Variants in TTLL3 observed in about 807,000 individuals in gnomAD.
TTLL3 encodes tubulin tyrosine ligase like 3.
A neutral mutation model predicts 75.2 loss-of-function variants in TTLL3; 63 were observed. The ratio of observed to expected loss-of-function variants is 0.84; its 90% CI spans 0.68 to 1.03. The LOEUF is 1.03. Ranked by LOEUF, TTLL3 falls within the 50% of genes least tolerant of loss-of-function variation. The pLI is 0.00. For synonymous variants in TTLL3, 393 were observed against 418.5 expected, an observed-to-expected ratio of 0.94 and a Z score of 0.74; for missense variants, 997 against 1,069.9, an observed-to-expected ratio of 0.93 and a Z score of 0.95.
At chr3:9,815,008 C>G (rs565273917) in intron 4 of TTLL3, among the ~76,000 whole-genome samples, 1 of 151,722 alleles carries the variant, frequency 6.6e-6, no homozygotes, top group South Asian at 2.1e-4. Flanking sequence ...GAGGCCAAGG[C>G]GGGTGGATTA....
At chr3:9,833,384 G>C in intron 12 of TTLL3, 139 bp downstream of exon 12, 1 of 1,358,730 alleles carries the variant, frequency 7.4e-7, no homozygotes, top group Non-Finnish European at 1.0e-6. Context: ...AAGGCGAAAA[G>C]GGCCACAGCC....
chr3:9,812,254 GC>G (rs2079423040), intron 2 of TTLL3, among the ~76,000 whole-genome samples: 1 of 151,910 alleles, frequency 6.6e-6, no homozygotes, highest in African/African-American at 2.4e-5. Flanking sequence ...GGTGGCTGAC[GC>G]CTGTAATTTC....
intron 10 of TTLL3, 194 bp from the exon 11 acceptor site, chr3:9,828,766 A>G (rs111473097): frequency 4.3e-6 from 3 of 692,738 alleles, no homozygotes; most frequent in African/African-American, 3.6e-5. Context: ...CCTGAGAGAT[A>G]AGAGTGGTTC....
At position 9,816,212 on chromosome 3, in the gene TTLL3, C is replaced by CT. The variant is rs770415607; in HGVS notation, c.444+11dup. The CT allele has an allele frequency of 3.0e-6, 4 of 1,347,014 alleles. No individual in the cohort carries two copies. Among genetic ancestry groups the CT allele is most frequent in the Non-Finnish European group, 9.9e-7 (1 of 1,012,448 alleles). The allele number at this position is 1,347,014 out of a possible 1,614,324, so 83.4% of individuals were successfully genotyped here. A position where few individuals can be genotyped will look rare whatever the true frequency, so the allele number is the denominator to read the frequency against. ...CTCCTTTACCACAAAGGTGGGCTCC[C>CT]TAGAGGAGCAGGCAGGGCAGCTTCC... On this transcript the variant is annotated intron_variant, in intron 5 of 13. Transcript: ENST00000685419.
At chr3:9,822,382 T>A (rs2080528104) in intron 8 of TTLL3, among the ~76,000 whole-genome samples, 1 of 151,856 alleles carries the variant, frequency 6.6e-6, no homozygotes, top group Non-Finnish European at 1.5e-5. Flanking sequence ...TCCTTTTTAT[T>A]TCTGGTGTGT....
chr3:9,811,768 C>T (rs1287237453), intron 2 of TTLL3, among the ~76,000 whole-genome samples: 5 of 152,234 alleles, frequency 3.3e-5, no homozygotes, highest in Admixed American at 3.3e-4. Context: ...CCATGTTCCA[C>T]TCACTCTGGT....
chr3:9,833,384 G>T, intron 12 of TTLL3, 139 bp downstream of exon 12: 1 of 1,358,730 alleles, frequency 7.4e-7, no homozygotes. Flanking sequence ...AAGGCGAAAA[G>T]GGCCACAGCC....
chr3:9,820,455 A>G (rs1575380604), intron 7 of TTLL3, 91 bp from the exon 8 acceptor site: 3 of 1,564,500 alleles, frequency 1.9e-6, no homozygotes, highest in East Asian at 4.5e-5. Context: ...GGCCTCAGGT[A>G]AGTGACAGGC....
At chr3:9,814,378 G>T (rs1412236295) in intron 4 of TTLL3, among the ~76,000 whole-genome samples, 1 of 150,788 alleles carries the variant, frequency 6.6e-6, no homozygotes, top group East Asian at 2.0e-4. Flanking sequence ...AGGAGCAGTG[G>T]CTCACACCTG....
At chr3:9,817,585 T>C in intron 5 of TTLL3, 60 bp from the exon 6 acceptor site, 2 of 1,612,432 alleles carry the variant, frequency 1.2e-6, no homozygotes, top group South Asian at 1.1e-5. Flanking sequence ...TTCTGAACTG[T>C]CTGGGTGTGT....
chr3:9,833,288 A>G (rs2081751450), intron 12 of TTLL3, 43 bp downstream of exon 12: 1 of 1,610,108 alleles, frequency 6.2e-7, no homozygotes, highest in African/African-American at 1.3e-5. Context: ...GCTTCTAGGA[A>G]AGGCACTGGG....
At position 9,810,942 on chromosome 3, in the gene TTLL3, G is replaced by A. The variant is rs2125666678; in HGVS notation, c.48+233G>A. On this transcript the variant is annotated intron_variant, in intron 2 of 13. Transcript: ENST00000685419. This position sits in a 1 kb window ranked among gnomAD's most constrained non-coding sequence, Gnocchi z 4.4. ...TGTCCCACTCTAATCAAGGTGCCTG[G>A]TGAGTTCCAGGGAGCCAAACCCAGC... is the stretch of plus-strand genomic sequence containing the variant. 6.6e-6 allele frequency among the ~76,000 whole-genome samples: 1 copy of A among 152,166 alleles called. No homozygotes were observed. The highest frequency in any genetic ancestry group is 2.1e-4 in the South Asian group (1 of 4,808).
At chr3:9,832,227 A>G (rs1482100505) in intron 11 of TTLL3, among the ~76,000 whole-genome samples, 1 of 151,568 alleles carries the variant, frequency 6.6e-6, no homozygotes, top group Non-Finnish European at 1.5e-5. Context: ...CTGGGATTAC[A>G]GGTGCCTGCC....
At position 9,810,378 on chromosome 3, in the gene TTLL3, C is replaced by T. The variant is rs1421608094; in HGVS notation, c.-58C>T. ...GCCCCCCGCACACCCCGGTCCTCGA[C>T]CCCTCTCCGCAGGATGGTGAGGCCC... On this transcript the variant is annotated 5_prime_UTR_variant, in exon 1 of 14. Coordinates refer to ENST00000685419, the MANE Select transcript of TTLL3 (RefSeq NM_001387446.1). This position sits in a 1 kb window ranked among gnomAD's most constrained non-coding sequence, Gnocchi z 4.4. 2 of 1,255,222 alleles carry T rather than the reference C, an allele frequency of 1.6e-6. No homozygotes were observed. Among genetic ancestry groups the T allele is most frequent in the African/African-American group, 4.1e-5 (2 of 49,086 alleles). The allele number at this position is 1,255,222 out of a possible 1,614,324, so 77.8% of individuals were successfully genotyped here. A position where few individuals can be genotyped will look rare whatever the true frequency, so the allele number is the denominator to read the frequency against.
At chr3:9,814,364 G>A (rs2079626054) in intron 4 of TTLL3, among the ~76,000 whole-genome samples, 1 of 149,500 alleles carries the variant, frequency 6.7e-6, no homozygotes, top group Non-Finnish European at 1.5e-5. Context: ...ATAAAATAAA[G>A]GCCAGGAGCA....
At chr3:9,818,993 T>G in intron 7 of TTLL3, 73 bp downstream of exon 7, 1 of 1,596,322 alleles carries the variant, frequency 6.3e-7, no homozygotes, top group East Asian at 2.2e-5. Context: ...CTATCTGCCC[T>G]TCTACCTATC....
At chr3:9,826,008 G>T in intron 9 of TTLL3, 60 bp downstream of exon 9, 1 of 1,583,746 alleles carries the variant, frequency 6.3e-7, no homozygotes, top group East Asian at 2.2e-5. Flanking sequence ...ACCAGTAGAG[G>T]CCAAGGAAGT....
At chr3:9,827,587 T>TGG (rs1052396531) in intron 10 of TTLL3, 7 of 276,496 alleles carry the variant, frequency 2.5e-5, no homozygotes, top group Admixed American at 4.8e-5. Context: ...AATGTAGACA[T>TGG]GGGGTCTCAC....
chr3:9,825,953 G>C lies in TTLL3; in HGVS notation c.1003+5G>C, dbSNP rs767573993. ...GAGCCAAGTCCCGCGGACGAGGTGGGGGTCAGCTCCTGCTTCCTGCACTGG... is the reference window on the plus strand; with the variant it reads ...GAGCCAAGTCCCGCGGACGAGGTGGCGGTCAGCTCCTGCTTCCTGCACTGG... On this transcript the variant is annotated splice_donor_5th_base_variant and intron_variant, in intron 9 of 13. Transcript: ENST00000685419. 54 of 1,611,938 alleles carry C rather than the reference G, an allele frequency of 3.4e-5. No individual in the cohort carries two copies. The highest frequency in any genetic ancestry group is 1.6e-4 in the Middle Eastern group (1 of 6,074).
Sources: allele counts gnomAD v4.1 joint callset (sites outside exome capture counted in the v4.1 genomes callset), GRCh38; gene constraint gnomAD v4.1.1; non-coding constraint Gnocchi (gnomAD v3.1); transcripts MANE v1.5; gene names NCBI Gene and HGNC (gene_info 2026-07-23, HGNC 2026-07-21).